The following ABR variants were observed in gnomAD, a reference collection of about 807,000 sequenced individuals.
ABR encodes ABR activator of RhoGEF and GTPase.
In ABR, 35 loss-of-function variants were observed where a neutral mutation model predicts 107.2. That is an observed-to-expected ratio of 0.33 (90% CI 0.25 to 0.43). The LOEUF (loss-of-function observed/expected upper bound fraction) is 0.43. Ranked by LOEUF, ABR falls within the 20% of genes least tolerant of loss-of-function variation. The pLI, the probability that ABR is intolerant of heterozygous loss-of-function variation, is 1.00. For synonymous variants in ABR, 498 were observed against 462.0 expected (o/e 1.08, Z -1.00); for missense variants, 815 against 1,115.2 (o/e 0.73, Z 3.83).
chr17:1,010,998 G>A lies in ABR; in HGVS notation c.2102-135C>T. 2 of 1,178,486 alleles carry A rather than the reference G, an allele frequency of 1.7e-6. No homozygotes were observed. The highest frequency in any genetic ancestry group is 4.8e-5 in the East Asian group (2 of 41,422). The allele number at this position is 1,178,486 out of a possible 1,614,324, so 73.0% of individuals were successfully genotyped here. A position where few individuals can be genotyped will look rare whatever the true frequency, so the allele number is the denominator to read the frequency against. ...CCCCTGGAAGAGCAGGATGTAGAGA[G>A]GGCCCACAGGTGTCTGTGACTCGGC... On this transcript the variant is annotated intron_variant, in intron 19 of 22. Coordinates refer to ENST00000302538, the MANE Select transcript of ABR (RefSeq NM_021962.5). This position sits in a 1 kb window ranked among gnomAD's most constrained non-coding sequence, Gnocchi z 4.1.
Position 1,179,732 on chromosome 17 carries a change from C to T in ABR, c.-5G>A, listed in dbSNP as rs770879461. ...CCGGTGGCTGAGCGGCTCCATCCCGCGGCGGCGGCTCGGTCAGATCCGAAA... is the reference window on the plus strand; with the variant it reads ...CCGGTGGCTGAGCGGCTCCATCCCGTGGCGGCGGCTCGGTCAGATCCGAAA... On this transcript the variant is annotated 5_prime_UTR_variant, in exon 1 of 23. Coordinates refer to ENST00000302538, the MANE Select transcript of ABR (RefSeq NM_021962.5). The surrounding 1 kb of genome is among the most constrained non-coding windows in gnomAD (Gnocchi z 4.9). 2.8e-6 allele frequency: 4 copies of T among 1,408,218 alleles called. No homozygotes were observed. The South Asian group carries it at 3.8e-5, about 13-fold the overall frequency. The allele number at this position is 1,408,218 out of a possible 1,614,324, so 87.2% of individuals were successfully genotyped here. A position where few individuals can be genotyped will look rare whatever the true frequency, so the allele number is the denominator to read the frequency against.
upstream of ABR, among the ~76,000 whole-genome samples, chr17:1,191,354 C>CTTTTT (rs761910557): frequency 3.5e-3 from 339 of 96,440 alleles, 2 homozygotes; most frequent in East Asian, 5.4e-3. Flanking sequence ...TTTTTCTTTT[C>CTTTTT]TTTTTTTTTT....
chr17:1,116,864 A>T (rs1179990958), intron 2 of ABR, among the ~76,000 whole-genome samples: 1 of 152,176 alleles, frequency 6.6e-6, no homozygotes, highest in Non-Finnish European at 1.5e-5. Context: ...AGATCCAGGA[A>T]GGGGAGAAAT....
At chr17:1,038,847 G>C (rs1306508966) in intron 16 of ABR, among the ~76,000 whole-genome samples, 1 of 152,224 alleles carries the variant, frequency 6.6e-6, no homozygotes, top group African/African-American at 2.4e-5. Flanking sequence ...GAAGCTTTCA[G>C]AAAACACGGA....
chr17:1,058,113 G>T, intron 11 of ABR, 68 bp from the exon 12 acceptor site: 2 of 1,017,680 alleles, frequency 2.0e-6, no homozygotes, highest in Non-Finnish European at 3.0e-6. Context: ...AGATCCTGGG[G>T]ACCCCAACAA....
At chr17:1,031,404 G>C (rs2072733333) in intron 16 of ABR, among the ~76,000 whole-genome samples, 1 of 152,184 alleles carries the variant, frequency 6.6e-6, no homozygotes, top group South Asian at 2.1e-4. Context: ...CCAGGGTCCG[G>C]GTGGGGGCGG....
intron 7 of ABR, among the ~76,000 whole-genome samples, chr17:1,073,310 A>T (rs1168999196): frequency 6.6e-6 from 1 of 151,714 alleles, no homozygotes; most frequent in African/African-American, 2.4e-5. Context: ...CATCCCCCCG[A>T]GCAGCTGGGA....
At chr17:1,114,969 C>T (rs917461958) in intron 2 of ABR, among the ~76,000 whole-genome samples, 3 of 152,134 alleles carry the variant, frequency 2.0e-5, no homozygotes, top group African/African-American at 4.8e-5. Context: ...GTTACAAAAC[C>T]GACAAAATCT....
At position 1,010,192 on chromosome 17, in the gene ABR, G is replaced by A. The variant is rs955239673; in HGVS notation, c.2237-408C>T. On this transcript the variant is annotated intron_variant, in intron 20 of 22. Coordinates refer to ENST00000302538, the MANE Select transcript of ABR (RefSeq NM_021962.5). The surrounding 1 kb of genome is among the most constrained non-coding windows in gnomAD (Gnocchi z 4.1). ...GGAGCGTGGGTGCAAGCAGCCTTCC[G>A]TGGGGGCTGAAGCTCCAGTCTGCCC... 13 of 245,156 alleles carry A rather than the reference G, an allele frequency of 5.3e-5. No homozygotes were observed. The highest frequency in any genetic ancestry group is 4.4e-4 in the Admixed American group (9 of 20,522). 15.2% of individuals were successfully genotyped at this position (245,156 alleles called of 1,614,324 possible).
chr17:1,056,190 C>G, intron 13 of ABR, 81 bp from the exon 14 acceptor site: 1 of 1,251,402 alleles, frequency 8.0e-7, no homozygotes, highest in Non-Finnish European at 1.2e-6. Flanking sequence ...GGGAGGCAGA[C>G]GGGGTATGAG....
chr17:1,179,588 T>C lies in ABR; in HGVS notation c.61+79A>G. Reference sequence around the variant, plus strand: ...CCCGATCCCGATCTTGGGGTCCCGATCCCGATCCTGGGGTCCCGATCTCCA... The same window carrying C: ...CCCGATCCCGATCTTGGGGTCCCGACCCCGATCCTGGGGTCCCGATCTCCA... On this transcript the variant is annotated intron_variant, in intron 1 of 22. Coordinates refer to ENST00000302538, the MANE Select transcript of ABR (RefSeq NM_021962.5). This position sits in a 1 kb window ranked among gnomAD's most constrained non-coding sequence, Gnocchi z 4.9. 1 of 1,369,974 alleles carries C rather than the reference T, an allele frequency of 7.3e-7. No individual in the cohort carries two copies. The highest frequency in any genetic ancestry group is 9.6e-7 in the Non-Finnish European group (1 of 1,044,894). 84.9% of individuals were successfully genotyped at this position (1,369,974 alleles called of 1,614,324 possible).
intron 4 of ABR, among the ~76,000 whole-genome samples, chr17:1,091,122 A>G (rs941798597): frequency 1.3e-5 from 2 of 152,202 alleles, no homozygotes; most frequent in East Asian, 3.8e-4. Context: ...GGAGAGGATC[A>G]TCGGCCAGTG....
chr17:1,039,006 C>T (rs537680643), intron 16 of ABR, among the ~76,000 whole-genome samples: 2 of 152,314 alleles, frequency 1.3e-5, no homozygotes, highest in Non-Finnish European at 2.9e-5. Flanking sequence ...CCCGAGAGGA[C>T]ACTCTCTGAA....
At chr17:1,106,187 T>G in intron 2 of ABR, among the ~76,000 whole-genome samples, 1 of 120,152 alleles carries the variant, frequency 8.3e-6, no homozygotes, top group South Asian at 3.0e-4. Flanking sequence ...CAACTTTACC[T>G]CTGCCCCCCA....
chr17:1,051,379 T>C lies in ABR; in HGVS notation c.1562-745A>G, dbSNP rs1301991063. Among the ~76,000 whole-genome samples the C allele has an allele frequency of 7.0e-6, 1 of 143,602 alleles. No individual in the cohort carries two copies. The highest frequency in any genetic ancestry group is 2.3e-4 in the East Asian group (1 of 4,276). 94.2% of individuals were successfully genotyped at this position (143,602 alleles called of 152,430 possible). A position where few individuals can be genotyped will look rare whatever the true frequency, so the allele number is the denominator to read the frequency against. On this transcript the variant is annotated intron_variant, in intron 14 of 22. Coordinates refer to ENST00000302538, the MANE Select transcript of ABR (RefSeq NM_021962.5). The surrounding 1 kb of genome is among the most constrained non-coding windows in gnomAD (Gnocchi z 4.3). Reference sequence around the variant, plus strand: ...CCAGCTGGCACACGGTGAACGAGGCTCCCACCACCACCAAGCGCTCCAGGT... The same window carrying C: ...CCAGCTGGCACACGGTGAACGAGGCCCCCACCACCACCAAGCGCTCCAGGT...
intron 11 of ABR, 117 bp from the exon 12 acceptor site, chr17:1,058,162 A>G (rs527954587): frequency 1.9e-4 from 94 of 492,502 alleles, no homozygotes; most frequent in South Asian, 1.6e-3. Flanking sequence ...TTTTTGAGAC[A>G]GAGTCTCGCT....
chr17:1,162,295 G>A (rs530739266), intron 1 of ABR, among the ~76,000 whole-genome samples: 11 of 152,344 alleles, frequency 7.2e-5, no homozygotes, highest in South Asian at 4.1e-4. Context: ...TGGGACAGGC[G>A]TTTATCACCC....
At chr17:1,143,021 T>C (rs1405833400) in intron 1 of ABR, among the ~76,000 whole-genome samples, 4 of 112,988 alleles carry the variant, frequency 3.5e-5, no homozygotes, top group Non-Finnish European at 7.1e-5. Flanking sequence ...GACAGCTCGC[T>C]CCTGGGGGAC....
intron 2 of ABR, among the ~76,000 whole-genome samples, chr17:1,106,275 C>T (rs1396204998): frequency 1.3e-5 from 2 of 152,124 alleles, no homozygotes; most frequent in Admixed American, 6.6e-5. Flanking sequence ...ATGCTCACAA[C>T]GCAACTGCTG....
Sources: allele counts gnomAD v4.1 joint callset (sites outside exome capture counted in the v4.1 genomes callset), GRCh38; gene constraint gnomAD v4.1.1; non-coding constraint Gnocchi (gnomAD v3.1); transcripts MANE v1.5; gene names NCBI Gene and HGNC (gene_info 2026-07-23, HGNC 2026-07-21).